The following TBC1D9 variants were observed in gnomAD, a reference collection of about 807,000 sequenced individuals.
TBC1D9 encodes the protein TBC1 domain family member 9A.
TBC1D9 carries 63 observed loss-of-function variants against 132.0 expected under a neutral mutation model. That is an observed-to-expected ratio of 0.48 (90% CI 0.39 to 0.59). The LOEUF is 0.59. TBC1D9 is among the 20% of genes least tolerant of loss of function. TBC1D9 has a pLI of 0.00. For missense variants in TBC1D9, 1,261 were observed against 1,592.7 expected (o/e 0.79, Z 3.54); for synonymous variants, 610 against 609.9 (o/e 1.00, Z 0.00).
At chr4:140,667,358 C>T (rs112117213) in intron 9 of TBC1D9, among the ~76,000 whole-genome samples, 24 of 152,044 alleles carry the variant, frequency 1.6e-4, no homozygotes, top group African/African-American at 4.6e-4. Context: ...TCCTGGTACT[C>T]GTTTTGAGTT....
At chr4:140,635,162 G>A (rs1172448308) in intron 15 of TBC1D9, among the ~76,000 whole-genome samples, 1 of 151,760 alleles carries the variant, frequency 6.6e-6, no homozygotes, top group East Asian at 1.9e-4. Context: ...CTATAAGCAC[G>A]AATAAATATG....
intron 13 of TBC1D9, chr4:140,642,864 G>T: frequency 1.7e-6 from 1 of 573,218 alleles, no homozygotes; most frequent in South Asian, 2.4e-5. Flanking sequence ...CTGTTTCCAC[G>T]GCCTGCGTGC....
At chr4:140,709,242 TCTCTCTCACACACA>T (rs1198118726) in intron 1 of TBC1D9, among the ~76,000 whole-genome samples, 2 of 106,776 alleles carry the variant, frequency 1.9e-5, no homozygotes, top group African/African-American at 4.4e-5. Context: ...TCTCTCTCTC[TCTCTCTCACACACA>T]CACACACACA....
intron 6 of TBC1D9, 102 bp from the exon 7 acceptor site, chr4:140,671,028 T>C (rs754560185): frequency 2.6e-5 from 25 of 944,620 alleles, no homozygotes; most frequent in Admixed American, 2.2e-5. Flanking sequence ...CATTATTCTA[T>C]AGGAACCACC....
chr4:140,690,498 CCT>C (rs1240474085), intron 2 of TBC1D9, among the ~76,000 whole-genome samples: 1 of 152,010 alleles, frequency 6.6e-6, no homozygotes, highest in African/African-American at 2.4e-5. Flanking sequence ...TTTGTTCTGT[CCT>C]CTGTCTCCTG....
intron 5 of TBC1D9, among the ~76,000 whole-genome samples, chr4:140,678,633 A>G (rs1454317380): frequency 6.6e-6 from 1 of 152,134 alleles, no homozygotes; most frequent in Non-Finnish European, 1.5e-5. Flanking sequence ...AGCTCAAAGC[A>G]GCCTCCACTG....
intron 13 of TBC1D9, among the ~76,000 whole-genome samples, chr4:140,649,145 G>A (rs374037870): frequency 6.6e-6 from 1 of 152,192 alleles, no homozygotes; most frequent in South Asian, 2.1e-4. Flanking sequence ...ATATTTAAAT[G>A]CTACAGCTTA....
At position 140,622,867 on chromosome 4, in the gene TBC1D9, G is replaced by T; in HGVS notation, c.3129C>A (p.Asp1043Glu). The change falls in exon 21 of 21, where the codon GAC becomes GAA. Residue 1043 changes from aspartate to glutamate, a missense_variant. Coordinates refer to ENST00000442267, the MANE Select transcript of TBC1D9 (RefSeq NM_015130.3). ...CGTGGTACAGCTCCTGCTCATTGGG[G>T]TCTTCGCTGAACATGTTATACATTG... ...CKTMYNMFSEDPNEQELYHAT... is the reference protein window; with the variant it reads ...CKTMYNMFSEEPNEQELYHAT... 1.3e-6 allele frequency: 2 copies of T among 1,587,714 alleles called. No individual in the cohort carries two copies. The highest frequency in any genetic ancestry group is 1.1e-5 in the South Asian group (1 of 87,960).
At chr4:140,702,053 G>A (rs1408818827) in intron 1 of TBC1D9, among the ~76,000 whole-genome samples, 1 of 152,226 alleles carries the variant, frequency 6.6e-6, no homozygotes, top group Non-Finnish European at 1.5e-5. Context: ...AAGTGAGCTA[G>A]GGCCGGGAAA....
At chr4:140,731,570 T>G (rs1486281862) in intron 1 of TBC1D9, among the ~76,000 whole-genome samples, 1 of 152,002 alleles carries the variant, frequency 6.6e-6, no homozygotes, top group Non-Finnish European at 1.5e-5. Context: ...AAATGATTGA[T>G]TCACAAAAGG....
At chr4:140,672,316 A>G (rs1404791251) in intron 6 of TBC1D9, among the ~76,000 whole-genome samples, 2 of 151,168 alleles carry the variant, frequency 1.3e-5, no homozygotes, top group Non-Finnish European at 2.9e-5. Flanking sequence ...GAAGTTGTAC[A>G]TAAGGATTTT....
intron 6 of TBC1D9, 128 bp from the exon 7 acceptor site, chr4:140,671,054 C>T: frequency 1.5e-6 from 1 of 686,410 alleles, no homozygotes; most frequent in South Asian, 1.9e-5. Flanking sequence ...TTTATTGAAG[C>T]AAAACTGAGA....
chr4:140,656,868 A>G (rs1244055959), intron 13 of TBC1D9, among the ~76,000 whole-genome samples: 4 of 152,192 alleles, frequency 2.6e-5, no homozygotes. Context: ...AAGACATGGT[A>G]TTTCTCCCCT....
chr4:140,669,109 G>T, intron 8 of TBC1D9, 42 bp from the exon 9 acceptor site: 1 of 1,598,968 alleles, frequency 6.3e-7, no homozygotes, highest in Non-Finnish European at 8.6e-7. Context: ...AAAGTACCCT[G>T]AGGATGGTAA....
In TBC1D9 at chr4:140,657,492, G is replaced by A. The variant is rs151107426; in HGVS notation, c.2207+35C>T. On this transcript the variant is annotated intron_variant, in intron 12 of 20. Transcript: ENST00000442267. ...AAGAGAAAGCATGAGGAAGAAAACC[G>A]GAGATGGTTTTCAAAGTTAGGCTTA... 576 of 1,572,730 alleles carry A rather than the reference G, an allele frequency of 3.7e-4. 3 individuals are homozygous for A. The African/African-American group carries it at 7.2e-3, about 20-fold the overall frequency.
intron 13 of TBC1D9, among the ~76,000 whole-genome samples, chr4:140,650,199 T>G (rs924519488): frequency 6.6e-6 from 1 of 152,248 alleles, no homozygotes; most frequent in Non-Finnish European, 1.5e-5. Context: ...TAGAATTTAT[T>G]TTGAAAGTTG....
intron 13 of TBC1D9, chr4:140,641,984 C>T (rs59742217): frequency 0.074 from 43,084 of 579,622 alleles, 1,846 homozygotes; most frequent in Middle Eastern, 0.099. Context: ...TCCGAAGAGT[C>T]GCTGAAGGAG....
At chr4:140,635,750 A>C (rs1247111787) in intron 15 of TBC1D9, among the ~76,000 whole-genome samples, 3 of 152,108 alleles carry the variant, frequency 2.0e-5, no homozygotes. Flanking sequence ...TTGCAAGGCG[A>C]CCTTGAGAGA....
At chr4:140,712,734 CTCCA>C (rs1164688437) in intron 1 of TBC1D9, among the ~76,000 whole-genome samples, 1 of 130,762 alleles carries the variant, frequency 7.6e-6, no homozygotes, top group African/African-American at 3.1e-5. Flanking sequence ...GAGAGTGAGA[CTCCA>C]TCTCAAAAAA....
Sources: allele counts gnomAD v4.1 joint callset (sites outside exome capture counted in the v4.1 genomes callset), GRCh38; gene constraint gnomAD v4.1.1; transcripts MANE v1.5; gene names NCBI Gene and HGNC (gene_info 2026-07-23, HGNC 2026-07-21).